The following FBXO39 variants were observed in gnomAD, a reference collection of about 807,000 sequenced individuals.
The protein encoded by FBXO39 is F-box protein 39, also known as F-box only protein 39.
FBXO39 carries 22 observed loss-of-function variants against 36.6 expected under a neutral mutation model. The observed-to-expected ratio is 0.60, with a 90% CI of 0.43 to 0.86. The LOEUF (loss-of-function observed/expected upper bound fraction) is 0.86, where lower values mean the gene tolerates loss of function less well. Among genes scored for constraint, FBXO39 ranks in the 40% least tolerant of loss-of-function variants. The pLI, the probability that FBXO39 is intolerant of heterozygous loss-of-function variation, is 0.00. For missense variants in FBXO39, 536 were observed against 543.9 expected (o/e 0.99, Z 0.14); for synonymous variants, 206 against 205.8 (o/e 1.00, Z -0.01).
chr17:6,778,568 G>T (rs1018595815), intron 1 of FBXO39, among the ~76,000 whole-genome samples: 1 of 152,090 alleles, frequency 6.6e-6, no homozygotes, highest in African/African-American at 2.4e-5. Context: ...TCTCTTTCCA[G>T]CACCACAATT....
At chr17:6,778,185 G>T (rs904871888) in intron 1 of FBXO39, among the ~76,000 whole-genome samples, 1 of 152,194 alleles carries the variant, frequency 6.6e-6, no homozygotes, top group Non-Finnish European at 1.5e-5. Context: ...GAATAAGTCC[G>T]ACAAACAGTA....
At chr17:6,786,709 A>T in intron 2 of FBXO39, 71 bp from the exon 3 acceptor site, 1 of 1,350,136 alleles carries the variant, frequency 7.4e-7, no homozygotes, top group Non-Finnish European at 1.0e-6. Context: ...GGTCGTGGAA[A>T]TGTTACAGAA....
intron 2 of FBXO39, among the ~76,000 whole-genome samples, chr17:6,783,208 T>G (rs1447208305): frequency 1.3e-5 from 2 of 152,120 alleles, no homozygotes; most frequent in Admixed American, 1.3e-4. Flanking sequence ...ATTGAAATAT[T>G]TTTGAAACAA....
intron 2 of FBXO39, among the ~76,000 whole-genome samples, chr17:6,783,701 TGAA>T (rs1170528508): frequency 6.6e-6 from 1 of 152,054 alleles, no homozygotes; most frequent in East Asian, 1.9e-4. Context: ...GATTGAACCA[TGAA>T]GAAATCCAGA....
intron 1 of FBXO39, among the ~76,000 whole-genome samples, chr17:6,779,411 C>T (rs1567670503): frequency 1.3e-5 from 2 of 152,216 alleles, no homozygotes; most frequent in Admixed American, 1.3e-4. Flanking sequence ...TCCACTACCA[C>T]TAGGCCCACC....
At position 6,780,476 on chromosome 17, in the gene FBXO39, A is replaced by G. The variant is rs766928241; in HGVS notation, c.608A>G (p.Tyr203Cys). ...NVISELNIEDYFSHHLAVYNS... is the reference protein window; with the variant it reads ...NVISELNIEDCFSHHLAVYNS... ...ATCTCAGAGCTCAACATCGAGGACT[A>G]TTTCAGCCATCACCTTGCTGTCTAC... Residue 203 changes from tyrosine (Y) to cysteine (C), a missense_variant, in exon 2 of 4, where the codon TAT becomes TGT. By Grantham distance (194) the Tyr-to-Cys change is radical. Coordinates refer to ENST00000321535, the MANE Select transcript of FBXO39 (RefSeq NM_153230.3). 1.2e-6 allele frequency: 2 copies of G among 1,614,144 alleles called. No individual in the cohort carries two copies. The highest frequency in any genetic ancestry group is 2.2e-5 in the South Asian group (2 of 91,082).
chr17:6,779,107 C>A (rs1976470391), intron 1 of FBXO39, among the ~76,000 whole-genome samples: 1 of 152,102 alleles, frequency 6.6e-6, no homozygotes, highest in South Asian at 2.1e-4. Context: ...AGCAATGTAG[C>A]TAGATACAGG....
At chr17:6,782,940 G>A (rs1976526615) in intron 2 of FBXO39, among the ~76,000 whole-genome samples, 1 of 152,068 alleles carries the variant, frequency 6.6e-6, no homozygotes, top group Non-Finnish European at 1.5e-5. Flanking sequence ...GATATTTACA[G>A]AAAATTTCAT....
intron 2 of FBXO39, among the ~76,000 whole-genome samples, chr17:6,781,726 G>A (rs2151573887): frequency 6.6e-6 from 1 of 152,218 alleles, no homozygotes; most frequent in African/African-American, 2.4e-5. Flanking sequence ...TCCAAGTTTT[G>A]CAACCTTGGA....
chr17:6,782,610 AGAG>A (rs1439066609), intron 2 of FBXO39, among the ~76,000 whole-genome samples: 2 of 152,210 alleles, frequency 1.3e-5, no homozygotes, highest in South Asian at 2.1e-4. Context: ...AAACCAAAAA[AGAG>A]GAGGAGTAGC....
chr17:6,782,795 A>G (rs1976525175), intron 2 of FBXO39, among the ~76,000 whole-genome samples: 1 of 152,196 alleles, frequency 6.6e-6, no homozygotes, highest in South Asian at 2.1e-4. Context: ...AGAGCTAAAG[A>G]GAGAGATAGA....
chr17:6,780,609 T>C lies in FBXO39; in HGVS notation c.741T>C (p.Asn247=), dbSNP rs1976495752. The C allele has an allele frequency of 1.2e-6, 2 of 1,614,090 alleles. No homozygotes were observed. Among genetic ancestry groups the C allele is most frequent in the Non-Finnish European group, 1.7e-6 (2 of 1,180,012 alleles). Residue 247 remains asparagine (N), a synonymous_variant, in exon 2 of 4, where the codon AAT becomes AAC. Transcript: ENST00000321535. ...AGCTGCTTGAGAACTTGTGTGAGAA[T>C]GCCAGCACCCTCCGGACCATCAACA... ...SDELLENLCE[N]ASTLRTINIK...
chr17:6,779,798 G>T lies in FBXO39; in HGVS notation c.-71G>T. 6.9e-7 allele frequency: 1 copy of T among 1,450,438 alleles called. No individual in the cohort carries two copies. The highest frequency in any genetic ancestry group is 9.4e-7 in the Non-Finnish European group (1 of 1,065,268). 89.8% of individuals were successfully genotyped at this position (1,450,438 alleles called of 1,614,324 possible). On this transcript the variant is annotated 5_prime_UTR_variant, in exon 2 of 4. Coordinates refer to ENST00000321535, the MANE Select transcript of FBXO39 (RefSeq NM_153230.3). ...TTTTTATTCCCCACAGAAAGCAAGT[G>T]ATTGCTTTCCTTTCCTCATTTTTGG...
rs972471972 is a variant in FBXO39, at chr17:6,780,285, G to A, written c.417G>A (p.Leu139=). The change falls in exon 2 of 4, where the codon CTG becomes CTA. Residue 139 remains leucine (L), a synonymous_variant. Coordinates refer to ENST00000321535, the MANE Select transcript of FBXO39 (RefSeq NM_153230.3). ...LSIQYLELDR[L]VWRNSIRSSF... ...TCCAATACCTGGAGCTGGACCGCCT[G>A]GTATGGAGGAACAGCATCAGGAGCT... The A allele has an allele frequency of 2.5e-6, 4 of 1,613,986 alleles. No individual in the cohort carries two copies. The African/African-American group carries it at 5.3e-5, about 22-fold the overall frequency.
At chr17:6,784,676 T>A (rs913304899) in intron 2 of FBXO39, among the ~76,000 whole-genome samples, 1 of 151,882 alleles carries the variant, frequency 6.6e-6, no homozygotes, top group Admixed American at 6.6e-5. Context: ...TAGCTACAAA[T>A]AAAATTAAAT....
intron 1 of FBXO39, among the ~76,000 whole-genome samples, chr17:6,777,877 C>G (rs745838380): frequency 1.4e-4 from 21 of 152,208 alleles, no homozygotes; most frequent in Admixed American, 2.0e-4. Flanking sequence ...GCTGTTCAGT[C>G]CTTTACGGAA....
In FBXO39 at chr17:6,786,638, C is replaced by A. The variant is rs1368264815; in HGVS notation, c.1024-142C>A. The A allele has an allele frequency of 6.1e-6, 4 of 655,212 alleles. No homozygotes were observed. The East Asian group carries it at 8.3e-5, about 14-fold the overall frequency. 40.6% of individuals were successfully genotyped at this position (655,212 alleles called of 1,614,324 possible). A position where few individuals can be genotyped will look rare whatever the true frequency, so the allele number is the denominator to read the frequency against. On this transcript the variant is annotated intron_variant, in intron 2 of 3. Coordinates refer to ENST00000321535, the MANE Select transcript of FBXO39 (RefSeq NM_153230.3). ...CATAAATATATGTACCTATGTACCA[C>A]AAAAATTAAAAATTAAAGTTAAAAA...
At chr17:6,786,445 G>A (rs184483063) in intron 2 of FBXO39, among the ~76,000 whole-genome samples, 17 of 152,238 alleles carry the variant, frequency 1.1e-4, no homozygotes, top group African/African-American at 3.9e-4. Flanking sequence ...TAGCACGACA[G>A]GGTGTCTATA....
At chr17:6,778,522 C>T (rs1159354513) in intron 1 of FBXO39, among the ~76,000 whole-genome samples, 1 of 152,150 alleles carries the variant, frequency 6.6e-6, no homozygotes, top group Non-Finnish European at 1.5e-5. Flanking sequence ...CCTCTCTGGC[C>T]TTCAGTGTTC....
Sources: allele counts gnomAD v4.1 joint callset (sites outside exome capture counted in the v4.1 genomes callset), GRCh38; gene constraint gnomAD v4.1.1; transcripts MANE v1.5; gene names NCBI Gene and HGNC (gene_info 2026-07-23, HGNC 2026-07-21).